The following DNM3 variants were observed in gnomAD, a reference collection of about 807,000 sequenced individuals.
DNM3 encodes dynamin 3.
DNM3 carries 47 observed loss-of-function variants against 101.6 expected under a neutral mutation model. The observed-to-expected ratio is 0.46, with a 90% confidence interval of 0.37 to 0.59. The LOEUF (loss-of-function observed/expected upper bound fraction) is 0.59, where lower values mean the gene tolerates loss of function less well. Ranked by LOEUF, DNM3 falls within the 20% of genes least tolerant of loss-of-function variation. The pLI is 0.00. For missense variants in DNM3, 849 were observed against 1,085.7 expected (o/e 0.78, Z 3.06); for synonymous variants, 385 against 387.9 (o/e 0.99, Z 0.09).
intron 14 of DNM3, among the ~76,000 whole-genome samples, chr1:172,204,147 A>G (rs1354244376): frequency 6.6e-6 from 1 of 152,142 alleles, no homozygotes; most frequent in African/African-American, 2.4e-5. Flanking sequence ...TAATTGAGCC[A>G]TGTCAAGGAA....
chr1:172,085,249 GA>G (rs112264494), intron 12 of DNM3, among the ~76,000 whole-genome samples: 10,431 of 140,446 alleles, frequency 0.074, 703 homozygotes, highest in African/African-American at 0.18. Context: ...CTCTGCTTTA[GA>G]AAAAAAAAAA....
intron 13 of DNM3, among the ~76,000 whole-genome samples, chr1:172,126,913 C>G (rs990934977): frequency 6.6e-6 from 1 of 152,066 alleles, no homozygotes; most frequent in East Asian, 1.9e-4. Context: ...AACTCAGAAC[C>G]CTGGATCAAT....
chr1:172,392,848 A>G lies in DNM3; in HGVS notation c.2522+4039A>G, dbSNP rs139635927. On this transcript the variant is annotated intron_variant, in intron 20 of 20. Transcript: ENST00000627582. Reference sequence around the variant, plus strand: ...CCAAGTATGATGGTTTCTCTTTAAAAAGACAAAACTGAATCATTCGAAAGG... The same window carrying G: ...CCAAGTATGATGGTTTCTCTTTAAAGAGACAAAACTGAATCATTCGAAAGG... Among the ~76,000 whole-genome samples the G allele has an allele frequency of 4.3e-3, 656 of 152,334 alleles. 7 individuals carry two copies. The highest frequency in any genetic ancestry group is 0.014 in the African/African-American group (570 of 41,572).
chr1:172,152,099 G>C (rs923294201), intron 14 of DNM3, among the ~76,000 whole-genome samples: 6 of 152,000 alleles, frequency 3.9e-5, no homozygotes, highest in African/African-American at 1.4e-4. Flanking sequence ...ACCCAGGCTG[G>C]TCTCAAACTC....
At chr1:172,272,237 T>G (rs2063116209) in intron 15 of DNM3, among the ~76,000 whole-genome samples, 1 of 152,086 alleles carries the variant, frequency 6.6e-6, no homozygotes, top group Non-Finnish European at 1.5e-5. Context: ...TAAAATTTAA[T>G]CTCTAGAAAA....
chr1:171,858,238 A>C (rs1048244411), intron 1 of DNM3, among the ~76,000 whole-genome samples: 1 of 152,150 alleles, frequency 6.6e-6, no homozygotes, highest in Non-Finnish European at 1.5e-5. Flanking sequence ...TTATTTTTAC[A>C]TTTATGAGAA....
intron 1 of DNM3, among the ~76,000 whole-genome samples, chr1:171,885,094 G>A (rs1156453236): frequency 6.6e-6 from 1 of 152,028 alleles, no homozygotes; most frequent in Non-Finnish European, 1.5e-5. Context: ...CTCAAACTTG[G>A]GTAAACTCCA....
chr1:171,990,112 G>A (rs2045538312), intron 4 of DNM3, among the ~76,000 whole-genome samples: 1 of 152,020 alleles, frequency 6.6e-6, no homozygotes, highest in Non-Finnish European at 1.5e-5. Context: ...TCATGTTCTT[G>A]TTTTCATAAA....
Position 172,122,644 on chromosome 1 carries a change from G to C in DNM3, c.1546-8531G>C, listed in dbSNP as rs191106956. 3.5e-3 allele frequency among the ~76,000 whole-genome samples: 539 copies of C among 152,258 alleles called. 7 individuals carry two copies. The highest frequency in any genetic ancestry group is 0.012 in the African/African-American group (515 of 41,548). Reference sequence around the variant, plus strand: ...CAGTTTCCTGTTAGGAAAATGGATTGCTTCCAATTGCTTGCCATTAGATGC... The same window carrying C: ...CAGTTTCCTGTTAGGAAAATGGATTCCTTCCAATTGCTTGCCATTAGATGC... On this transcript the variant is annotated intron_variant, in intron 13 of 20. Coordinates refer to ENST00000627582, the MANE Select transcript of DNM3 (RefSeq NM_015569.5).
chr1:171,877,629 A>C (rs2035897932), intron 1 of DNM3, among the ~76,000 whole-genome samples: 1 of 152,254 alleles, frequency 6.6e-6, no homozygotes, highest in East Asian at 1.9e-4. Context: ...GTAATCTATA[A>C]ACTAAATAAT....
intron 2 of DNM3, among the ~76,000 whole-genome samples, chr1:171,957,346 C>T (rs943470000): frequency 4.0e-5 from 6 of 151,566 alleles, no homozygotes; most frequent in South Asian, 2.1e-4. Context: ...TACAGGTGCC[C>T]GCCACCACAC....
intron 17 of DNM3, among the ~76,000 whole-genome samples, chr1:172,325,572 GT>G (rs1308169275): frequency 6.6e-6 from 1 of 151,380 alleles, no homozygotes; most frequent in East Asian, 1.9e-4. Flanking sequence ...ACATCTGCAT[GT>G]TATTTTCCTG....
chr1:171,985,009 A>AT (rs2045139942), intron 2 of DNM3, among the ~76,000 whole-genome samples: 1 of 152,182 alleles, frequency 6.6e-6, no homozygotes, highest in Admixed American at 6.5e-5. Flanking sequence ...AATTGCATTG[A>AT]TTTTACACCC....
At chr1:172,150,709 G>A (rs2058094325) in intron 14 of DNM3, among the ~76,000 whole-genome samples, 1 of 152,158 alleles carries the variant, frequency 6.6e-6, no homozygotes, top group Non-Finnish European at 1.5e-5. Flanking sequence ...TTCACAGCTT[G>A]TTATGATGCT....
intron 15 of DNM3, among the ~76,000 whole-genome samples, chr1:172,306,526 C>A (rs142320816): frequency 3.5e-4 from 53 of 152,270 alleles, no homozygotes; most frequent in African/African-American, 9.9e-4. Flanking sequence ...TGGAAAAAAA[C>A]CACTTTAAAG....
At chr1:171,945,742 T>C (rs1014679092) in intron 2 of DNM3, among the ~76,000 whole-genome samples, 1 of 152,108 alleles carries the variant, frequency 6.6e-6, no homozygotes, top group African/African-American at 2.4e-5. Context: ...AGGCTAAGAT[T>C]GGGAATAATG....
At chr1:172,116,036 G>GGATC (rs1272328240) in intron 13 of DNM3, among the ~76,000 whole-genome samples, 22 of 152,162 alleles carry the variant, frequency 1.4e-4, no homozygotes, top group African/African-American at 4.6e-4. Flanking sequence ...ATGGATGGAT[G>GGATC]GATCTTCTAT....
intron 17 of DNM3, among the ~76,000 whole-genome samples, chr1:172,337,310 C>T (rs189598030): frequency 2.9e-3 from 446 of 152,296 alleles, no homozygotes; most frequent in Admixed American, 4.8e-3. Context: ...TACCCTACTA[C>T]TAAACCAGTT....
At chr1:172,188,886 T>C (rs2059611770) in intron 14 of DNM3, among the ~76,000 whole-genome samples, 2 of 152,066 alleles carry the variant, frequency 1.3e-5, no homozygotes, top group South Asian at 4.1e-4. Flanking sequence ...AACTTATTTT[T>C]TTCTTCATGG....
Sources: gnomAD v4.1 joint callset for allele counts (sites outside exome capture counted in the v4.1 genomes callset) on GRCh38, gnomAD v4.1.1 for gene constraint, MANE v1.5 for transcripts, NCBI Gene and HGNC (gene_info 2026-07-23, HGNC 2026-07-21) for gene names.